MDGA1: variants seen among roughly 807,000 people sequenced by gnomAD.
The protein encoded by MDGA1 is MAM domain containing glycosylphosphatidylinositol anchor 1.
MDGA1 carries 54 observed loss-of-function variants against 101.5 expected under a neutral mutation model. That is an observed-to-expected ratio of 0.53 (90% CI 0.43 to 0.67). The LOEUF is 0.67. Ranked by LOEUF, MDGA1 falls within the 30% of genes least tolerant of loss-of-function variation. The pLI is 0.00. For synonymous variants in MDGA1, 533 were observed against 558.3 expected (o/e 0.95, Z 0.64); for missense variants, 1,083 against 1,323.8 (o/e 0.82, Z 2.82).
intron 1 of MDGA1, among the ~76,000 whole-genome samples, chr6:37,694,713 A>C (rs1480002022): frequency 4.6e-5 from 7 of 152,002 alleles, no homozygotes; most frequent in Non-Finnish European, 7.4e-5. Context: ...CACCTCAATA[A>C]AGACTTTTTA....
intron 7 of MDGA1, among the ~76,000 whole-genome samples, chr6:37,650,871 C>G (rs1434176222): frequency 1.3e-5 from 2 of 152,208 alleles, no homozygotes; most frequent in African/African-American, 4.8e-5. Context: ...CTTATAGCCA[C>G]CCAGAAAAAA....
intron 1 of MDGA1, among the ~76,000 whole-genome samples, chr6:37,666,354 C>T (rs1010306718): frequency 1.1e-4 from 15 of 131,490 alleles, no homozygotes; most frequent in African/African-American, 3.1e-4. Context: ...AGGGACACTC[C>T]GTCTCAAAAA....
Position 37,658,560 on chromosome 6 carries a change from G to A in MDGA1, c.208-141C>T. On this transcript the variant is annotated intron_variant, in intron 2 of 16. Transcript: ENST00000434837. ...TGGGGCACACGCAGGCCTAGGAAAC[G>A]AACCCAGACAGACTCGTGGGAATGC... 3.8e-6 allele frequency: 3 copies of A among 787,360 alleles called. No individual in the cohort carries two copies. The South Asian group carries it at 5.5e-5, about 14-fold the overall frequency. 48.8% of individuals were successfully genotyped at this position (787,360 alleles called of 1,614,324 possible).
chr6:37,659,150 A>G (rs2114041206), intron 2 of MDGA1, among the ~76,000 whole-genome samples: 1 of 152,050 alleles, frequency 6.6e-6, no homozygotes, highest in East Asian at 1.9e-4. Context: ...TCCTCCAATG[A>G]CTGCACCCCT....
intron 12 of MDGA1, 128 bp from the exon 13 acceptor site, chr6:37,644,777 A>G: frequency 9.7e-7 from 1 of 1,034,482 alleles, no homozygotes; most frequent in Non-Finnish European, 1.3e-6. Flanking sequence ...TCCGGGCTTC[A>G]AAAGACCAGG....
chr6:37,671,550 C>G (rs1458151092), intron 1 of MDGA1, among the ~76,000 whole-genome samples: 3 of 152,188 alleles, frequency 2.0e-5, no homozygotes, highest in African/African-American at 7.2e-5. Context: ...TATCAGCTTA[C>G]TCTTTTCCTC....
chr6:37,696,509 G>A lies in MDGA1; in HGVS notation c.67+236C>T, dbSNP rs1186566666. Among the ~76,000 whole-genome samples the A allele has an allele frequency of 6.6e-6, 1 of 152,170 alleles. No homozygotes were observed. The highest frequency in any genetic ancestry group is 2.4e-5 in the African/African-American group (1 of 41,446). On this transcript the variant is annotated intron_variant, in intron 1 of 16. Transcript: ENST00000434837. The surrounding 1 kb of genome is among the most constrained non-coding windows in gnomAD (Gnocchi z 5.6). ...ATCATTCCCACCTCTAGCAGGGTGT[G>A]GGAAAGTGGGTGCCTCCTCCTGACA...
At chr6:37,670,285 C>T (rs774138043) in intron 1 of MDGA1, among the ~76,000 whole-genome samples, 67 of 152,348 alleles carry the variant, frequency 4.4e-4, no homozygotes, top group Middle Eastern at 6.8e-3. Context: ...AAGGGGACCA[C>T]CTGCTATGCA....
rs139525220 is a variant in MDGA1, at chr6:37,631,431, A to G, written c.*5937T>C. 38 of 152,352 alleles carry G rather than the reference A, an allele frequency of 2.5e-4. 2 individuals are homozygous for G. Among genetic ancestry groups the G allele is most frequent in the African/African-American group, 9.1e-4 (38 of 41,568 alleles). 9.4% of individuals were successfully genotyped at this position (152,352 alleles called of 1,614,324 possible). ...AAGAAGTTACCCAACATGAGAGCCA[A>G]TAAAACTTAGGTGGTAGGGAGAGGG... On this transcript the variant is annotated 3_prime_UTR_variant, in exon 17 of 17. Coordinates refer to ENST00000434837, the MANE Select transcript of MDGA1 (RefSeq NM_153487.4).
intron 1 of MDGA1, among the ~76,000 whole-genome samples, chr6:37,677,531 A>G (rs1053299934): frequency 2.0e-5 from 3 of 152,304 alleles, no homozygotes; most frequent in African/African-American, 7.2e-5. Context: ...CTGAGGGCTC[A>G]GTCAATAGCA....
intron 7 of MDGA1, among the ~76,000 whole-genome samples, chr6:37,651,053 G>A (rs763972574): frequency 6.6e-6 from 1 of 152,262 alleles, no homozygotes; most frequent in Non-Finnish European, 1.5e-5. Context: ...CATGGGCAAC[G>A]TGGCACATGC....
chr6:37,653,596 T>TA (rs1054850502), intron 6 of MDGA1, among the ~76,000 whole-genome samples: 25 of 151,924 alleles, frequency 1.6e-4, no homozygotes, highest in Admixed American at 3.9e-4. Flanking sequence ...AAATATATTT[T>TA]AAAAAAAAGA....
chr6:37,658,576 G>A (rs1429557447), intron 2 of MDGA1, among the ~76,000 whole-genome samples, 157 bp from the exon 3 acceptor site: 1 of 152,222 alleles, frequency 6.6e-6, no homozygotes, highest in Admixed American at 6.5e-5. Flanking sequence ...AGACAGACTC[G>A]TGGGAATGCA....
chr6:37,638,204 C>T lies in MDGA1; in HGVS notation c.2776+1G>A. The T allele has an allele frequency of 6.2e-7, 1 of 1,612,952 alleles. No individual in the cohort carries two copies. Among genetic ancestry groups the T allele is most frequent in the Non-Finnish European group, 8.5e-7 (1 of 1,178,990 alleles). On this transcript the variant is annotated splice_donor_variant, in intron 16 of 16. Transcript: ENST00000434837. LOFTEE classifies it high-confidence loss of function. This position sits in a 1 kb window ranked among gnomAD's most constrained non-coding sequence, Gnocchi z 4.8. ...TCCCCCACCTCCTTCCCGTCTTGCA[C>T]CTTTATTGGGATCCGTCTGCTTCCG...
At chr6:37,685,068 G>A (rs1762170890) in intron 1 of MDGA1, among the ~76,000 whole-genome samples, 1 of 152,156 alleles carries the variant, frequency 6.6e-6, no homozygotes, top group Non-Finnish European at 1.5e-5. Context: ...TTGGGAGGCC[G>A]AGGCGGGCAG....
At chr6:37,677,294 T>TA (rs1386806715) in intron 1 of MDGA1, among the ~76,000 whole-genome samples, 2 of 152,176 alleles carry the variant, frequency 1.3e-5, no homozygotes, top group African/African-American at 4.8e-5. Flanking sequence ...ATGAGAACCA[T>TA]AAAACTGTTC....
At chr6:37,682,376 C>T (rs367651523) in intron 1 of MDGA1, among the ~76,000 whole-genome samples, 35 of 152,228 alleles carry the variant, frequency 2.3e-4, no homozygotes, top group Middle Eastern at 6.8e-3. Context: ...CCCAGCTACT[C>T]GGGAGGTTGA....
At position 37,648,709 on chromosome 6, in the gene MDGA1, A is replaced by G. The variant is rs1761278727; in HGVS notation, c.1894+273T>C. 7.2e-6 allele frequency: 4 copies of G among 553,330 alleles called. No individual in the cohort carries two copies. In the South Asian group the frequency reaches 7.4e-5, roughly 10 times the overall value. The allele number at this position is 553,330 out of a possible 1,614,324, so 34.3% of individuals were successfully genotyped here. On this transcript the variant is annotated intron_variant, in intron 9 of 16. Transcript: ENST00000434837. ...GGCATAGGCGGGCCTTGGAAGGCGA[A>G]GGCCTCAACCTCAAGGGAAGGTGTG...
rs569127330 is a variant in MDGA1 at position 37,652,405 on chromosome 6, C to T, written c.983-65G>A. The T allele has an allele frequency of 2.0e-5, 27 of 1,326,144 alleles. 1 individual carries two copies. The South Asian group carries it at 3.8e-4, about 19-fold the overall frequency. 82.1% of individuals were successfully genotyped at this position (1,326,144 alleles called of 1,614,324 possible). On this transcript the variant is annotated intron_variant, in intron 6 of 16. Coordinates refer to ENST00000434837, the MANE Select transcript of MDGA1 (RefSeq NM_153487.4). This position sits in a 1 kb window ranked among gnomAD's most constrained non-coding sequence, Gnocchi z 4.3. Reference sequence around the variant, plus strand: ...CTGACTCCAGGGGTCCATGTCCCACCCCAACCCAGACCCAGCTTCTCCCCT... The same window carrying T: ...CTGACTCCAGGGGTCCATGTCCCACTCCAACCCAGACCCAGCTTCTCCCCT...
Sources: allele counts gnomAD v4.1 joint callset (sites outside exome capture counted in the v4.1 genomes callset), GRCh38; gene constraint gnomAD v4.1.1; non-coding constraint Gnocchi (gnomAD v3.1); transcripts MANE v1.5; gene names NCBI Gene and HGNC (gene_info 2026-07-23, HGNC 2026-07-21).